EPB41L5: variants seen among roughly 807,000 people sequenced by gnomAD.
EPB41L5 encodes the protein band 4.1-like protein 5.
In EPB41L5, 55 loss-of-function variants were observed where a neutral mutation model predicts 106.6. The observed-to-expected ratio is 0.52, with a 90% CI of 0.42 to 0.65. The LOEUF (loss-of-function observed/expected upper bound fraction) is 0.65. EPB41L5 is among the 30% of genes least tolerant of loss of function. The pLI, the probability that EPB41L5 is intolerant of heterozygous loss-of-function variation, is 0.00. For missense variants in EPB41L5, 871 were observed against 882.1 expected, an observed-to-expected ratio of 0.99 and a Z score of 0.16; for synonymous variants, 297 against 306.7, an observed-to-expected ratio of 0.97 and a Z score of 0.33.
chr2:120,081,847 A>G (rs1682692240), intron 10 of EPB41L5, among the ~76,000 whole-genome samples: 1 of 152,086 alleles, frequency 6.6e-6, no homozygotes, highest in African/African-American at 2.4e-5. Context: ...TTGGATTCCT[A>G]GGTATTTTAT....
intron 10 of EPB41L5, among the ~76,000 whole-genome samples, chr2:120,086,111 G>T (rs547133222): frequency 6.6e-6 from 1 of 152,196 alleles, no homozygotes; most frequent in Non-Finnish European, 1.5e-5. Context: ...TGAGGCAGGA[G>T]AATTGCTTGA....
In EPB41L5 at chr2:120,061,031, G is replaced by GTTTTTTTTGTT. The variant is rs1681009517; in HGVS notation, c.286-12139_286-12138insGTTTTTTTTTT. Among the ~76,000 whole-genome samples the GTTTTTTTTGTT allele has an allele frequency of 5.8e-5, 4 of 69,100 alleles. 1 individual carries two copies. Among genetic ancestry groups the GTTTTTTTTGTT allele is most frequent in the Non-Finnish European group, 1.0e-4 (4 of 39,330 alleles). 45.3% of individuals were successfully genotyped at this position (69,100 alleles called of 152,430 possible). On this transcript the variant is annotated intron_variant, in intron 3 of 24. Transcript: ENST00000263713. Reference sequence around the variant, plus strand: ...TTAGAATTTTAACTGGTTCAGGGAAGTTTTTTTTTTTTTTTTTTTTTTTTT... The same window carrying GTTTTTTTTGTT: ...TTAGAATTTTAACTGGTTCAGGGAAGTTTTTTTTGTTTTTTTTTTTTTTTTTTTTTTTTTTT...
At chr2:120,150,581 A>G (rs528771559) in intron 20 of EPB41L5, among the ~76,000 whole-genome samples, 7 of 152,204 alleles carry the variant, frequency 4.6e-5, no homozygotes, top group South Asian at 2.1e-4. Flanking sequence ...GCCTCAGGCA[A>G]TCCTCTTACC....
intron 17 of EPB41L5, among the ~76,000 whole-genome samples, chr2:120,129,984 A>AT (rs1685623574): frequency 6.6e-6 from 1 of 152,194 alleles, no homozygotes; most frequent in Non-Finnish European, 1.5e-5. Flanking sequence ...AGTCTCTACT[A>AT]AAAGTACAAA....
rs562202689 is a variant in EPB41L5, at chr2:120,024,398, G to T, written c.180+5134G>T. On this transcript the variant is annotated intron_variant, in intron 2 of 24. Transcript: ENST00000263713. ...AGTGTTTTTAGCATGAAGACTTGTT[G>T]AATTTTATCAAAGGTCTTTTCTGCA... Among the ~76,000 whole-genome samples, 7 of 152,286 alleles carry T rather than the reference G, an allele frequency of 4.6e-5. No homozygotes were observed. The South Asian group carries it at 1.2e-3, about 27-fold the overall frequency.
intron 24 of EPB41L5, among the ~76,000 whole-genome samples, chr2:120,170,913 T>C (rs1038160968): frequency 6.6e-6 from 1 of 152,248 alleles, no homozygotes; most frequent in East Asian, 1.9e-4. Flanking sequence ...CCGTTTCATA[T>C]TCTACATGCT....
rs1684382882 is a variant in EPB41L5 at position 120,105,269 on chromosome 2, T to G, written c.1337+4455T>G. On this transcript the variant is annotated intron_variant, in intron 16 of 24. Transcript: ENST00000263713. Reference sequence around the variant, plus strand: ...AAGCATTTCTTCTGTCTTTTTTTAGTTTTCTTTTATATTTTAGAAAAATTT... The same window carrying G: ...AAGCATTTCTTCTGTCTTTTTTTAGGTTTCTTTTATATTTTAGAAAAATTT... 1.9e-5 allele frequency: 19 copies of G among 976,986 alleles called. No homozygotes were observed. In the South Asian group the frequency reaches 9.0e-4, roughly 46 times the overall value. The allele number at this position is 976,986 out of a possible 1,614,324, so 60.5% of individuals were successfully genotyped here.
chr2:120,144,215 C>G (rs762430959), intron 19 of EPB41L5, among the ~76,000 whole-genome samples: 2 of 152,100 alleles, frequency 1.3e-5, no homozygotes, highest in South Asian at 2.1e-4. Flanking sequence ...GATTAGTGCT[C>G]TTATAAAAGA....
intron 14 of EPB41L5, among the ~76,000 whole-genome samples, chr2:120,099,313 A>G (rs1481986278): frequency 7.6e-6 from 1 of 131,532 alleles, no homozygotes; most frequent in East Asian, 2.2e-4. Context: ...ATTTTACTGA[A>G]TTTTTTTTTC....
chr2:120,068,997 G>A (rs374340961), intron 3 of EPB41L5, among the ~76,000 whole-genome samples: 2 of 151,698 alleles, frequency 1.3e-5, no homozygotes, highest in African/African-American at 2.4e-5. Flanking sequence ...GTGAGGTTGC[G>A]CATGCCTGTA....
intron 3 of EPB41L5, among the ~76,000 whole-genome samples, chr2:120,072,797 G>C (rs545676569): frequency 5.3e-5 from 8 of 152,100 alleles, no homozygotes; most frequent in Non-Finnish European, 1.2e-4. Flanking sequence ...GAGGGACTAG[G>C]GGAGGGATAC....
intron 13 of EPB41L5, among the ~76,000 whole-genome samples, chr2:120,092,657 A>G (rs1683495186): frequency 6.6e-6 from 1 of 152,166 alleles, no homozygotes; most frequent in Admixed American, 6.5e-5. Context: ...GTTTGGCAGT[A>G]TTGACTTTTT....
intron 19 of EPB41L5, among the ~76,000 whole-genome samples, chr2:120,143,823 T>C (rs1016024169): frequency 6.6e-6 from 1 of 152,176 alleles, no homozygotes; most frequent in Non-Finnish European, 1.5e-5. Context: ...TATTTACATA[T>C]AAAATAAATA....
chr2:120,019,043 TCCTGATGCCA>T lies in EPB41L5; in HGVS notation c.-8-33_-8-24del, dbSNP rs1182899203. 15 of 1,555,726 alleles carry T rather than the reference TCCTGATGCCA, an allele frequency of 9.6e-6. No individual in the cohort carries two copies. In the Admixed American group the frequency reaches 1.3e-4, roughly 14 times the overall value. On this transcript the variant is annotated intron_variant, in intron 1 of 24. Transcript: ENST00000263713. ...CAAGTTGTGGAGAATCTCATTTTTT[TCCTGATGCCA>T]TCTTTTTCTCTCTGTTTTTATAGTG...
intron 18 of EPB41L5, among the ~76,000 whole-genome samples, chr2:120,133,518 A>G (rs1421304737): frequency 6.6e-6 from 1 of 152,146 alleles, no homozygotes; most frequent in Admixed American, 6.5e-5. Context: ...ATGGAAAGCA[A>G]TGCAGGGCAC....
At chr2:120,066,822 T>C (rs567265936) in intron 3 of EPB41L5, among the ~76,000 whole-genome samples, 2 of 152,356 alleles carry the variant, frequency 1.3e-5, no homozygotes, top group African/African-American at 4.8e-5. Context: ...TTTTTTCTCT[T>C]ACTCAGTATG....
intron 18 of EPB41L5, 138 bp downstream of exon 18, chr2:120,131,853 A>G: frequency 1.6e-6 from 1 of 626,874 alleles, no homozygotes; most frequent in Non-Finnish European, 2.8e-6. Context: ...CTGTTTTCTC[A>G]TTTTAAAGGG....
chr2:120,074,102 G>A lies in EPB41L5; in HGVS notation c.331G>A (p.Gly111Ser). 1.3e-6 allele frequency: 2 copies of A among 1,595,932 alleles called. No individual in the cohort carries two copies. The highest frequency in any genetic ancestry group is 1.4e-5 in the African/African-American group (1 of 73,610). The change falls in exon 5 of 25, where the codon GGT becomes AGT. Residue 111 changes from glycine to serine, a missense_variant and splice_region_variant. Coordinates refer to ENST00000263713, the MANE Select transcript of EPB41L5 (RefSeq NM_020909.4). The stretch of plus-strand genomic sequence containing the variant: ...CCTTTTTTTTTTTTAAATGACAGTT[G>A]GTTCACCCTATTGTCTGCATCTTCG... ...TKSIKKQVKI[G>S]SPYCLHLRVK...
chr2:120,091,948 T>A (rs1181837662), intron 13 of EPB41L5, among the ~76,000 whole-genome samples: 1 of 152,190 alleles, frequency 6.6e-6, no homozygotes, highest in Non-Finnish European at 1.5e-5. Flanking sequence ...CTCTCCCTTT[T>A]TGACTTACAG....
Sources: allele counts gnomAD v4.1 joint callset (sites outside exome capture counted in the v4.1 genomes callset), GRCh38; gene constraint gnomAD v4.1.1; transcripts MANE v1.5; gene names NCBI Gene and HGNC (gene_info 2026-07-23, HGNC 2026-07-21).